The following MED1 variants were observed in gnomAD, a reference collection of about 807,000 sequenced individuals.
MED1 encodes mediator of RNA polymerase II transcription subunit 1.
In MED1, 17 loss-of-function variants were observed where a neutral mutation model predicts 121.3. The observed-to-expected ratio is 0.14, with a 90% CI of 0.10 to 0.21. MED1 has a LOEUF of 0.21. MED1 is among the 10% of genes least tolerant of loss of function. The pLI, the probability that MED1 is intolerant of heterozygous loss-of-function variation, is 1.00. For missense variants in MED1, 1,558 were observed against 1,919.4 expected, an observed-to-expected ratio of 0.81 and a Z score of 3.52; for synonymous variants, 661 against 694.4, an observed-to-expected ratio of 0.95 and a Z score of 0.76.
At position 39,434,307 on chromosome 17, in the gene MED1, C is replaced by A; in HGVS notation, c.442G>T (p.Asp148Tyr). 6.4e-7 allele frequency: 1 copy of A among 1,563,062 alleles called. No homozygotes were observed. The highest frequency in any genetic ancestry group is 2.3e-5 in the East Asian group (1 of 42,578). ...LVQQLREKNF[D>Y]EFSKHLKGLV... ...CCCTTAAGGTGCTTAGAAAATTCATCAAAATTTTTTTCCCTATAAGGAGTT... is the reference window on the plus strand; with the variant it reads ...CCCTTAAGGTGCTTAGAAAATTCATAAAAATTTTTTTCCCTATAAGGAGTT... Residue 148 changes from aspartate to tyrosine, a missense_variant, in exon 7 of 17, where the codon GAT becomes TAT. Asp to Tyr is a radical substitution (Grantham distance 160). Transcript: ENST00000300651.
intron 10 of MED1, among the ~76,000 whole-genome samples, chr17:39,425,822 T>G (rs74779934): frequency 6.7e-6 from 1 of 150,106 alleles, no homozygotes; most frequent in Non-Finnish European, 1.5e-5. Context: ...AAAAAAAAAT[T>G]AGAAATCCTG....
At chr17:39,437,243 A>C (rs1448169944) in intron 6 of MED1, among the ~76,000 whole-genome samples, 1 of 151,986 alleles carries the variant, frequency 6.6e-6, no homozygotes, top group Non-Finnish European at 1.5e-5. Context: ...CACATTCAGC[A>C]ATTTTTGTAT....
intron 2 of MED1, among the ~76,000 whole-genome samples, chr17:39,446,342 C>T (rs550559853): frequency 2.0e-4 from 29 of 146,690 alleles, no homozygotes; most frequent in African/African-American, 6.8e-4. Flanking sequence ...CCCAGCTACT[C>T]GGGAGGCTGA....
intron 1 of MED1, among the ~76,000 whole-genome samples, chr17:39,450,260 AC>A (rs1360537079): frequency 6.6e-6 from 1 of 151,892 alleles, no homozygotes; most frequent in African/African-American, 2.4e-5. Context: ...TCACCTTTCG[AC>A]CTCTGCTCCA....
intron 10 of MED1, 49 bp from the exon 11 acceptor site, chr17:39,424,787 G>A: frequency 9.3e-7 from 1 of 1,080,864 alleles, no homozygotes; most frequent in Non-Finnish European, 1.4e-6. Flanking sequence ...TACAAATGAT[G>A]GGAATCACAG....
At chr17:39,447,587 A>G (rs544988579) in intron 2 of MED1, among the ~76,000 whole-genome samples, 1 of 152,224 alleles carries the variant, frequency 6.6e-6, no homozygotes, top group South Asian at 2.1e-4. Context: ...AAAATCCAAA[A>G]CAATCCAAAA....
intron 10 of MED1, 92 bp from the exon 11 acceptor site, chr17:39,424,830 G>A (rs1450122594): frequency 2.7e-6 from 2 of 737,616 alleles, no homozygotes; most frequent in Non-Finnish European, 2.4e-6. Flanking sequence ...TGCAATATTT[G>A]TCAGCTATAA....
At chr17:39,428,648 A>G (rs1567647190) in intron 9 of MED1, among the ~76,000 whole-genome samples, 1 of 150,802 alleles carries the variant, frequency 6.6e-6, no homozygotes, top group Non-Finnish European at 1.5e-5. Context: ...AGTAAAAATA[A>G]AAAATAAAGA....
chr17:39,412,822 C>T (rs538725267), intron 16 of MED1, among the ~76,000 whole-genome samples: 2 of 152,196 alleles, frequency 1.3e-5, no homozygotes, highest in South Asian at 2.1e-4. Context: ...AGGGGTGACC[C>T]CCGCACCCGG....
Position 39,447,809 on chromosome 17 carries a change from G to C in MED1, c.121C>G (p.Arg41Gly). ...RPWSETIKLVRQVMEKRVVMS... is the reference protein window; with the variant it reads ...RPWSETIKLVGQVMEKRVVMS... ...ACCACAATCCTTACCATGACTTGAC[G>C]CACAAGCTTAATGGTTTCACTCCAG... The change falls in exon 2 of 17, where the codon CGT (arginine) becomes GGT (glycine). Residue 41 changes from arginine to glycine, a missense_variant. Coordinates refer to ENST00000300651, the MANE Select transcript of MED1 (RefSeq NM_004774.4). 6.2e-7 allele frequency: 1 copy of C among 1,610,974 alleles called. No individual in the cohort carries two copies. Among genetic ancestry groups the C allele is most frequent in the Non-Finnish European group, 8.5e-7 (1 of 1,177,732 alleles).
In MED1 at chr17:39,410,494, A is replaced by G. The variant is rs1401250036; in HGVS notation, c.1727T>C (p.Phe576Ser). The stretch of plus-strand genomic sequence containing the variant: ...ATCTTTGATGCTCATGCTCATATTA[A>G]ACAAGGTGGTAATGGGACCCCCCGG... The part of the protein sequence containing the change: ...TFPGGPITTL[F>S]NMSMSIKDRH... The change falls in exon 17 of 17, where the codon TTT becomes TCT. Residue 576 changes from phenylalanine (F) to serine (S), a missense_variant. Physicochemically the swap from Phe to Ser is radical, Grantham distance 155 (BLOSUM62 -2). Around this residue, in one of 5 missense-constraint regions of MED1, gnomAD observed 793 missense variants for 898.2 expected, o/e 0.88. Coordinates refer to ENST00000300651, the MANE Select transcript of MED1 (RefSeq NM_004774.4). 1.9e-6 allele frequency: 3 copies of G among 1,613,944 alleles called. No individual in the cohort carries two copies. The highest frequency in any genetic ancestry group is 2.5e-6 in the Non-Finnish European group (3 of 1,179,996).
chr17:39,424,570 A>T, intron 11 of MED1, 57 bp downstream of exon 11: 1 of 1,144,878 alleles, frequency 8.7e-7, no homozygotes, highest in Non-Finnish European at 1.3e-6. Context: ...AAAACTTGTT[A>T]CATACTGCGC....
In MED1 at chr17:39,409,232, G is replaced by C. The variant is rs762435359; in HGVS notation, c.2989C>G (p.Arg997Gly). The stretch of plus-strand genomic sequence containing the variant: ...CTTTTCCCATCATTAGAAGGGGTCC[G>C]ACTGCGCTTCCCTGGTTTGCTGTCT... ...GLDSKPGKRS[R>G]TPSNDGKSKD... The change falls in exon 17 of 17, where the codon CGG becomes GGG. Residue 997 changes from arginine (R) to glycine (G), a missense_variant. Physicochemically the swap from Arg to Gly is moderately radical, Grantham distance 125. Around this residue, in one of 5 missense-constraint regions of MED1, gnomAD observed 793 missense variants for 898.2 expected, o/e 0.88. Coordinates refer to ENST00000300651, the MANE Select transcript of MED1 (RefSeq NM_004774.4). The C allele has an allele frequency of 3.7e-6, 6 of 1,613,990 alleles. No homozygotes were observed. Among genetic ancestry groups the C allele is most frequent in the Non-Finnish European group, 5.1e-6 (6 of 1,180,022 alleles).
Position 39,407,648 on chromosome 17 carries a change from A to AT in MED1, c.4572dup (p.Ser1525IlefsTer3), listed in dbSNP as rs1597849438. On this transcript the variant is annotated frameshift_variant, in exon 17 of 17. Coordinates refer to ENST00000300651, the MANE Select transcript of MED1 (RefSeq NM_004774.4). LOFTEE classifies it high-confidence loss of function. ...CAACTCTCTGGCTTGATGCTATGAG[A>AT]TTTTTTCTTGTCTCGGTCTTTGTCC... 4 of 1,612,768 alleles carry AT rather than the reference A, an allele frequency of 2.5e-6. No homozygotes were observed. The highest frequency in any genetic ancestry group is 1.1e-5 in the South Asian group (1 of 90,976).
At position 39,410,478 on chromosome 17, in the gene MED1, G is replaced by A; in HGVS notation, c.1743C>T (p.Ser581=). 1 of 1,614,098 alleles carries A rather than the reference G, an allele frequency of 6.2e-7. No individual in the cohort carries two copies. The highest frequency in any genetic ancestry group is 8.5e-7 in the Non-Finnish European group (1 of 1,180,016). Residue 581 remains serine, a synonymous_variant, in exon 17 of 17, where the codon AGC becomes AGT. Coordinates refer to ENST00000300651, the MANE Select transcript of MED1 (RefSeq NM_004774.4). ...PITTLFNMSM[S]IKDRHESVGH... is the part of the protein sequence containing the mutation. ...CCACCGACTCATGCCGATCTTTGAT[G>A]CTCATGCTCATATTAAACAAGGTGG... is the stretch of plus-strand genomic sequence containing the variant.
At chr17:39,427,641 A>T (rs745404026) in intron 10 of MED1, 60 bp downstream of exon 10, 55 of 1,286,548 alleles carry the variant, frequency 4.3e-5, no homozygotes, top group Non-Finnish European at 6.0e-5. Flanking sequence ...GCAAACCAGA[A>T]ATTAAAGGCA....
In MED1 at chr17:39,408,306, A is replaced by G. The variant is rs1297597343; in HGVS notation, c.3915T>C (p.Ala1305=). 7.4e-6 allele frequency: 12 copies of G among 1,614,022 alleles called. No individual in the cohort carries two copies. The highest frequency in any genetic ancestry group is 1.0e-5 in the Non-Finnish European group (12 of 1,180,044). ...PSRNKKPSLT[A]VIDKLKHGVV... is the part of the protein sequence containing the mutation. ...CCCCATGCTTCAGTTTATCTATGACAGCTGTCAAGGACGGCTTCTTGTTTC... is the reference window on the plus strand; with the variant it reads ...CCCCATGCTTCAGTTTATCTATGACGGCTGTCAAGGACGGCTTCTTGTTTC... The change falls in exon 17 of 17, where the codon GCT becomes GCC. Residue 1305 remains alanine, a synonymous_variant. Coordinates refer to ENST00000300651, the MANE Select transcript of MED1 (RefSeq NM_004774.4). This position sits in a 1 kb window ranked among gnomAD's most constrained non-coding sequence, Gnocchi z 4.7.
At chr17:39,424,463 G>A (rs942693788) in intron 11 of MED1, among the ~76,000 whole-genome samples, 164 bp downstream of exon 11, 1 of 152,128 alleles carries the variant, frequency 6.6e-6, no homozygotes, top group African/African-American at 2.4e-5. Context: ...AGCCGACTTT[G>A]GAGAGGAACA....
At chr17:39,418,766 C>T (rs537107759) in intron 14 of MED1, among the ~76,000 whole-genome samples, 9 of 150,828 alleles carry the variant, frequency 6.0e-5, no homozygotes, top group Non-Finnish European at 1.2e-4. Flanking sequence ...AGTTCATCTT[C>T]GTGTGGAAAC....
Sources: allele counts gnomAD v4.1 joint callset (sites outside exome capture counted in the v4.1 genomes callset), GRCh38; gene constraint gnomAD v4.1.1; regional missense constraint gnomAD v4.1.1; non-coding constraint Gnocchi (gnomAD v3.1); transcripts MANE v1.5; gene names NCBI Gene and HGNC (gene_info 2026-07-23, HGNC 2026-07-21).